Variants in VWDE observed in about 807,000 individuals in gnomAD.
VWDE encodes von Willebrand factor D and EGF domain-containing protein.
VWDE carries 207 observed loss-of-function variants against 178.4 expected under a neutral mutation model. That is an observed-to-expected ratio of 1.16 (90% confidence interval 1.04 to 1.30). The LOEUF (loss-of-function observed/expected upper bound fraction) is 1.30, where lower values mean the gene tolerates loss of function less well. VWDE is among the 50% of genes most tolerant of loss of function. The pLI, the probability that VWDE is intolerant of heterozygous loss-of-function variation, is 0.00. For synonymous variants in VWDE, 738 were observed against 651.4 expected, an observed-to-expected ratio of 1.13 and a Z score of -2.02; for missense variants, 2,287 against 1,901.3, an observed-to-expected ratio of 1.20 and a Z score of -3.77.
intron 11 of VWDE, 46 bp downstream of exon 11, chr7:12,370,610 T>C: frequency 1.3e-6 from 2 of 1,539,666 alleles, no homozygotes; most frequent in South Asian, 1.2e-5. Context: ...CCACCCGTTT[T>C]AAGTCTAATA....
chr7:12,358,385 G>C (rs1372653675), intron 16 of VWDE, among the ~76,000 whole-genome samples: 1 of 119,886 alleles, frequency 8.3e-6, no homozygotes. Context: ...AAAAATAAAA[G>C]GTGGGGGGGG....
chr7:12,356,072 G>A (rs1168077374), intron 18 of VWDE, 39 bp downstream of exon 18: 2 of 1,507,482 alleles, frequency 1.3e-6, no homozygotes, highest in Non-Finnish European at 9.0e-7. Context: ...GTTTCAAGGA[G>A]CTTTTCTTTC....
At chr7:12,365,609 A>G (rs965283901) in intron 13 of VWDE, among the ~76,000 whole-genome samples, 12 of 152,194 alleles carry the variant, frequency 7.9e-5, no homozygotes, top group Non-Finnish European at 1.3e-4. Flanking sequence ...ACATTAGCTT[A>G]GTGGCAGGGC....
rs1783167307 is a variant in VWDE, at chr7:12,370,983, T to C, written c.1588-119A>G. Reference sequence around the variant, plus strand: ...TTATTCCCTCAATATAAAAAAAGAATAAAATACTGATTTTCTTGACTACAA... The same window carrying C: ...TTATTCCCTCAATATAAAAAAAGAACAAAATACTGATTTTCTTGACTACAA... On this transcript the variant is annotated intron_variant, in intron 10 of 28. Transcript: ENST00000275358. 4 of 821,140 alleles carry C rather than the reference T, an allele frequency of 4.9e-6. No individual in the cohort carries two copies. In the Admixed American group the frequency reaches 1.5e-4, roughly 30 times the overall value. 50.9% of individuals were successfully genotyped at this position (821,140 alleles called of 1,614,324 possible).
At chr7:12,364,364 G>C (rs1782745863) in intron 13 of VWDE, among the ~76,000 whole-genome samples, 1 of 152,112 alleles carries the variant, frequency 6.6e-6, no homozygotes, top group Non-Finnish European at 1.5e-5. Flanking sequence ...ACAGTCTTTA[G>C]AGAAACAGTT....
At chr7:12,384,547 G>C (rs1353377735) in intron 3 of VWDE, among the ~76,000 whole-genome samples, 1 of 152,114 alleles carries the variant, frequency 6.6e-6, no homozygotes, top group East Asian at 1.9e-4. Flanking sequence ...AACAAATGTA[G>C]CACTCTGGTG....
intron 19 of VWDE, 79 bp downstream of exon 19, chr7:12,351,494 G>A: frequency 7.2e-7 from 1 of 1,392,698 alleles, no homozygotes; most frequent in Non-Finnish European, 9.5e-7. Context: ...AAATACCTGA[G>A]GAATAAATAT....
rs181136417 is a variant in VWDE, at chr7:12,381,670, T to A, written c.542-937A>T. On this transcript the variant is annotated intron_variant, in intron 4 of 28. Transcript: ENST00000275358. The stretch of plus-strand genomic sequence containing the variant: ...TAGTTAACAAATATTTTGCTAAGCA[T>A]TTTAAACATTAGACCAAATCAGTAT... Among the ~76,000 whole-genome samples, 157 of 152,138 alleles carry A rather than the reference T, an allele frequency of 1.0e-3. 1 individual carries two copies. The highest frequency in any genetic ancestry group is 3.5e-3 in the African/African-American group (146 of 41,572).
chr7:12,389,148 A>T lies in VWDE; in HGVS notation c.454T>A (p.Cys152Ser). Residue 152 changes from cysteine (C) to serine (S), a missense_variant, in exon 3 of 29, where the codon TGT becomes AGT. Physicochemically the swap from Cys to Ser is moderately radical, Grantham distance 112 (BLOSUM62 -1). Coordinates refer to ENST00000275358, the MANE Select transcript of VWDE (RefSeq NM_001135924.3). ...TTACCTTCCGCACAGTAGCCCATAC[A>T]TCCCTGAGTTGGTTGTAGTAAGTAT... The part of the protein sequence containing the change: ...SVYLLQPTQG[C>S]MGYCAEAISD... 6.4e-7 allele frequency: 1 copy of T among 1,550,640 alleles called. No individual in the cohort carries two copies. The highest frequency in any genetic ancestry group is 8.7e-7 in the Non-Finnish European group (1 of 1,145,658).
At position 12,380,718 on chromosome 7, in the gene VWDE, G is replaced by C; in HGVS notation, c.557C>G (p.Ser186Ter). 1 of 1,551,796 alleles carries C rather than the reference G, an allele frequency of 6.4e-7. No individual in the cohort carries two copies. The change falls in exon 5 of 29, where the codon TCA becomes TGA. Residue 186 changes from serine to a stop codon, truncating the protein, a stop_gained. Transcript: ENST00000275358. LOFTEE classifies it high-confidence loss of function. ...CCTTCCTGCAGGTGGAGGTGGCAAT[G>C]AGGCAGCCAGCTGACCTGGGGAGAA... ...GGDCVRQLAA[S>*]LPPPPAGRPE... is the part of the protein sequence containing the mutation.
intron 1 of VWDE, among the ~76,000 whole-genome samples, chr7:12,402,483 C>T (rs1175665955): frequency 6.6e-6 from 1 of 152,132 alleles, no homozygotes; most frequent in Non-Finnish European, 1.5e-5. Context: ...TAATATTTGT[C>T]TTCAGCAGAG....
rs1272295377 is a variant in VWDE at position 12,345,762 on chromosome 7, C to G, written c.3887-1293G>C. Among the ~76,000 whole-genome samples the G allele has an allele frequency of 2.0e-4, 30 of 152,128 alleles. 2 individuals are homozygous for G. Among genetic ancestry groups the G allele is most frequent in the Admixed American group, 2.0e-3 (30 of 15,248 alleles). ...ACCCAGACTGAGATTTGTACTGAGA[C>G]TACGATCCACATGTTCAATATCTGA... On this transcript the variant is annotated intron_variant, in intron 19 of 28. Coordinates refer to ENST00000275358, the MANE Select transcript of VWDE (RefSeq NM_001135924.3).
Position 12,370,651 on chromosome 7 carries a change from C to G in VWDE, c.1796+5G>C, listed in dbSNP as rs572024669. 21 of 1,550,056 alleles carry G rather than the reference C, an allele frequency of 1.4e-5. No homozygotes were observed. The highest frequency in any genetic ancestry group is 1.1e-4 in the South Asian group (9 of 83,908). On this transcript the variant is annotated splice_donor_5th_base_variant and intron_variant, in intron 11 of 28. Coordinates refer to ENST00000275358, the MANE Select transcript of VWDE (RefSeq NM_001135924.3). ...ATAATCGCAAGTGGAAAAATAGTGT[C>G]TTACCTCCATTCATTAATAAAAGCA...
intron 23 of VWDE, among the ~76,000 whole-genome samples, chr7:12,341,778 G>T (rs144999022): frequency 3.9e-5 from 6 of 152,080 alleles, no homozygotes; most frequent in Admixed American, 1.3e-4. Context: ...GATTCAACAC[G>T]TTTCTCTTCA....
intron 9 of VWDE, 60 bp downstream of exon 9, chr7:12,374,629 A>G: frequency 8.0e-7 from 1 of 1,246,510 alleles, no homozygotes; most frequent in Non-Finnish European, 1.1e-6. Context: ...ACTGTTTAAA[A>G]TAAAACAACA....
chr7:12,348,313 T>G (rs1381697462), intron 19 of VWDE, among the ~76,000 whole-genome samples: 2,007 of 149,022 alleles, frequency 0.013, 34 homozygotes, highest in African/African-American at 0.048. Flanking sequence ...AGAAAATTTT[T>G]GCAACCTATT....
In VWDE at chr7:12,393,708, C is replaced by A; in HGVS notation, c.129G>T (p.Trp43Cys). ...CTTGAACAGCTGACTGCTGGAGGTG[C>A]CATGAGTCAAAACGGACACTTCTAT... ...SPYRSVRFDS[W>C]HLQQSAVQDL... The change falls in exon 2 of 29, where the codon TGG becomes TGT. Residue 43 changes from tryptophan (W) to cysteine (C), a missense_variant. Coordinates refer to ENST00000275358, the MANE Select transcript of VWDE (RefSeq NM_001135924.3). The A allele has an allele frequency of 3.2e-6, 5 of 1,551,166 alleles. No individual in the cohort carries two copies. The highest frequency in any genetic ancestry group is 4.4e-6 in the Non-Finnish European group (5 of 1,146,678).
intron 7 of VWDE, among the ~76,000 whole-genome samples, chr7:12,376,743 A>T (rs914659729): frequency 6.6e-6 from 1 of 152,080 alleles, no homozygotes; most frequent in Admixed American, 6.6e-5. Flanking sequence ...TAAAAATACA[A>T]TGTTGCTCGT....
Position 12,370,848 on chromosome 7 carries a change from C to G in VWDE, c.1604G>C (p.Gly535Ala). The G allele has an allele frequency of 6.6e-7, 1 of 1,526,480 alleles. No individual in the cohort carries two copies. The highest frequency in any genetic ancestry group is 1.3e-5 in the South Asian group (1 of 77,590). The allele number at this position is 1,526,480 out of a possible 1,614,324, so 94.6% of individuals were successfully genotyped here. A position where few individuals can be genotyped will look rare whatever the true frequency, so the allele number is the denominator to read the frequency against. Residue 535 changes from glycine (G) to alanine (A), a missense_variant, in exon 11 of 29, where the codon GGG becomes GCG. Transcript: ENST00000275358. ...GRKVTIWFSS[G>A]AFIRADLGEW... ...ACCAAGATCAGCACGGATAAATGCCCCAGAAGAAAACCAGATCTGAAAAAC... is the reference window on the plus strand; with the variant it reads ...ACCAAGATCAGCACGGATAAATGCCGCAGAAGAAAACCAGATCTGAAAAAC...
Sources: gnomAD v4.1 joint callset for allele counts (sites outside exome capture counted in the v4.1 genomes callset) on GRCh38, gnomAD v4.1.1 for gene constraint, MANE v1.5 for transcripts, NCBI Gene and HGNC (gene_info 2026-07-23, HGNC 2026-07-21) for gene names.